The following OR5D3 variants were observed in gnomAD, a reference collection of about 807,000 sequenced individuals.
OR5D3 encodes olfactory receptor family 5 subfamily D member 3, also known as olfactory receptor 5D3.
the OR5D3 span, among the ~76,000 whole-genome samples, chr11:55,724,514 A>C: frequency 6.6e-6 from 1 of 152,074 alleles, no homozygotes; most frequent in Non-Finnish European, 1.5e-5. Context: ...AAGTGAGAAT[A>C]GATAGAAAGC....
chr11:55,727,947 T>G, the OR5D3 span: 49 of 152,224 alleles, frequency 3.2e-4, 2 homozygotes, highest in African/African-American at 1.1e-3. Flanking sequence ...ACATACATTA[T>G]TCAAGCATTA....
chr11:55,726,059 C>G, the OR5D3 span, among the ~76,000 whole-genome samples: 464 of 152,096 alleles, frequency 3.1e-3, 1 homozygote, highest in African/African-American at 0.011. Flanking sequence ...TATAAGTACT[C>G]TACCTTTTGA....
chr11:55,727,111 ACAGT>A, the OR5D3 span: 16 of 400,684 alleles, frequency 4.0e-5, no homozygotes, highest in Non-Finnish European at 7.1e-5. Context: ...TGTAAAAGAG[ACAGT>A]CAGGAAGTTA....
chr11:55,723,996 C>G, the OR5D3 span: 1 of 397,926 alleles, frequency 2.5e-6, no homozygotes, highest in Non-Finnish European at 4.4e-6. Context: ...TATTGGAGTT[C>G]GTTAATTTCA....
At chr11:55,726,883 A>G in the OR5D3 span, 2 of 398,876 alleles carry the variant, frequency 5.0e-6, no homozygotes, top group Non-Finnish European at 8.8e-6. Flanking sequence ...CATTTTTATC[A>G]CTGTCATGAA....
At chr11:55,728,341 T>C in the OR5D3 span, 6 of 152,084 alleles carry the variant, frequency 3.9e-5, no homozygotes, top group African/African-American at 1.2e-4. Flanking sequence ...TCAAGAGTGA[T>C]GGGTACAGGG....
chr11:55,725,044 G>A, the OR5D3 span, among the ~76,000 whole-genome samples: 1 of 151,988 alleles, frequency 6.6e-6, no homozygotes, highest in Non-Finnish European at 1.5e-5. Flanking sequence ...TCTCTGCATT[G>A]TATTCACAAA....
At chr11:55,726,448 C>G in the OR5D3 span, 1 of 467,930 alleles carries the variant, frequency 2.1e-6, no homozygotes, top group Non-Finnish European at 3.9e-6. Flanking sequence ...CACAATTACA[C>G]CAAAACTGCT....
At chr11:55,726,125 C>G in the OR5D3 span, 10 of 397,208 alleles carry the variant, frequency 2.5e-5, no homozygotes, top group Non-Finnish European at 4.4e-5. Context: ...TAAAGACCCA[C>G]TAAGTCTCTC....
At chr11:55,725,207 A>G in the OR5D3 span, among the ~76,000 whole-genome samples, 1 of 152,192 alleles carries the variant, frequency 6.6e-6, no homozygotes, top group South Asian at 2.1e-4. Flanking sequence ...TACATTCATT[A>G]GCAATCTTTC....
At chr11:55,728,368 G>A in the OR5D3 span, 1 of 152,058 alleles carries the variant, frequency 6.6e-6, no homozygotes, top group Non-Finnish European at 1.5e-5. Context: ...GAAAAACTGG[G>A]TTCAAAATTG....
At chr11:55,725,906 A>C in the OR5D3 span, among the ~76,000 whole-genome samples, 1 of 152,098 alleles carries the variant, frequency 6.6e-6, no homozygotes, top group African/African-American at 2.4e-5. Context: ...AGATTCATGC[A>C]AACTTAGAGT....
At chr11:55,726,339 T>G in the OR5D3 span, 5 of 458,632 alleles carry the variant, frequency 1.1e-5, no homozygotes, top group African/African-American at 1.0e-4. Flanking sequence ...TGATGGGGAA[T>G]CTGGGCATGA....
the OR5D3 span, chr11:55,728,445 CAGAT>C: frequency 7.9e-5 from 12 of 152,016 alleles, 1 homozygote; most frequent in African/African-American, 2.9e-4. Context: ...CTGCAGAAAA[CAGAT>C]AACCCATGGC....
chr11:55,726,236 C>A, the OR5D3 span: 1 of 400,790 alleles, frequency 2.5e-6, no homozygotes, highest in East Asian at 3.6e-5. Context: ...AATCAGACTG[C>A]TGGAGTCACC....
At chr11:55,727,403 T>C in the OR5D3 span, 29 of 260,320 alleles carry the variant, frequency 1.1e-4, no homozygotes, top group African/African-American at 6.0e-4. Context: ...ATTGTGATTG[T>C]CCAGGTCAAA....
chr11:55,726,805 G>A, the OR5D3 span: 2 of 398,888 alleles, frequency 5.0e-6, no homozygotes, highest in East Asian at 3.6e-5. Context: ...GAGCCAGAAG[G>A]TCATTTTAGT....
chr11:55,728,002 A>G, the OR5D3 span: 2 of 152,122 alleles, frequency 1.3e-5, no homozygotes, highest in East Asian at 1.9e-4. Context: ...AGTGATATCT[A>G]ACAGTAAGCA....
chr11:55,728,829 G>T, the OR5D3 span: 2 of 151,980 alleles, frequency 1.3e-5, no homozygotes, highest in Admixed American at 6.6e-5. Flanking sequence ...TTTAACTGTA[G>T]ATAATGAGTC....
Sources: gnomAD v4.1 joint callset for allele counts (sites outside exome capture counted in the v4.1 genomes callset) on GRCh38, gnomAD v4.1.1 for gene constraint, MANE v1.5 for transcripts, NCBI Gene and HGNC (gene_info 2026-07-23, HGNC 2026-07-21) for gene names.